PIK3C2G: variants seen among roughly 807,000 people sequenced by gnomAD.
PIK3C2G encodes phosphatidylinositol-4-phosphate 3-kinase catalytic subunit type 2 gamma.
In PIK3C2G, 168 loss-of-function variants were observed where a neutral mutation model predicts 181.1. The ratio of observed to expected loss-of-function variants is 0.93; its 90% CI spans 0.82 to 1.05. PIK3C2G has a LOEUF of 1.05. Among genes scored for constraint, PIK3C2G ranks in the 50% least tolerant of loss-of-function variants. The probability of loss-of-function intolerance (pLI) is 0.00; values close to 1 mark genes in which losing one functional copy is unlikely to be tolerated. For missense variants in PIK3C2G, 1,869 were observed against 1,732.8 expected (o/e 1.08, Z -1.40); for synonymous variants, 573 against 592.2 (o/e 0.97, Z 0.47).
chr12:18,672,041 C>A, the PIK3C2G span, among the ~76,000 whole-genome samples: 2 of 152,134 alleles, frequency 1.3e-5, no homozygotes, highest in African/African-American at 4.8e-5. Flanking sequence ...CCTACTAATA[C>A]CATTACTTTG....
chr12:18,488,430 T>G lies in PIK3C2G; in HGVS notation c.2505-19T>G, dbSNP rs1565440920. The stretch of plus-strand genomic sequence containing the variant: ...ATTAGCTTTACATACAAGAATTTTT[T>G]TCTCTCTCTTTCCTTCAGGCTGCTA... On this transcript the variant is annotated intron_variant, in intron 18 of 32. Transcript: ENST00000538779. 1 of 1,464,882 alleles carries G rather than the reference T, an allele frequency of 6.8e-7. No homozygotes were observed. Among genetic ancestry groups the G allele is most frequent in the East Asian group, 2.5e-5 (1 of 39,700 alleles). 90.7% of individuals were successfully genotyped at this position (1,464,882 alleles called of 1,614,324 possible). A position where few individuals can be genotyped will look rare whatever the true frequency, so the allele number is the denominator to read the frequency against.
intron 12 of PIK3C2G, among the ~76,000 whole-genome samples, chr12:18,364,583 G>C (rs1163841308): frequency 6.6e-6 from 1 of 152,026 alleles, no homozygotes; most frequent in African/African-American, 2.4e-5. Flanking sequence ...TAAATTTTGT[G>C]TAACAAGTGA....
At chr12:18,514,521 CT>C (rs1312646683) in intron 24 of PIK3C2G, among the ~76,000 whole-genome samples, 1 of 151,628 alleles carries the variant, frequency 6.6e-6, no homozygotes, top group Non-Finnish European at 1.5e-5. Context: ...AAGGAAGTGC[CT>C]TTTTGATGTC....
upstream of PIK3C2G, among the ~76,000 whole-genome samples, chr12:18,257,891 CAG>C (rs1197263629): frequency 6.6e-6 from 1 of 151,844 alleles, no homozygotes; most frequent in African/African-American, 2.4e-5. Flanking sequence ...AGAAAAGAAA[CAG>C]AAAGAGATAA....
At chr12:18,548,196 C>G (rs997245031) in intron 26 of PIK3C2G, among the ~76,000 whole-genome samples, 1 of 151,808 alleles carries the variant, frequency 6.6e-6, no homozygotes, top group African/African-American at 2.4e-5. Flanking sequence ...ATGGCAGACA[C>G]AATGATTGAC....
In PIK3C2G at chr12:18,546,322, G is replaced by A. The variant is rs1944421541; in HGVS notation, c.3481-1G>A. ...CTTTGCTTGTTCTTGTTGTGGTTAA[G>A]ATGCTGTATGCAGGACTGCCTGAGC... On this transcript the variant is annotated splice_acceptor_variant, in intron 25 of 32. Coordinates refer to ENST00000538779, the MANE Select transcript of PIK3C2G (RefSeq NM_001288772.2). LOFTEE classifies it high-confidence loss of function. The A allele has an allele frequency of 2.6e-6, 4 of 1,527,618 alleles. No homozygotes were observed. The highest frequency in any genetic ancestry group is 1.4e-5 in the African/African-American group (1 of 73,174). 94.6% of individuals were successfully genotyped at this position (1,527,618 alleles called of 1,614,324 possible).
chr12:18,714,214 C>A, the PIK3C2G span, among the ~76,000 whole-genome samples: 1 of 152,072 alleles, frequency 6.6e-6, no homozygotes, highest in Non-Finnish European at 1.5e-5. Context: ...TAAGATAATT[C>A]TTTAAATTAT....
chr12:18,548,687 T>A (rs1223034170), intron 26 of PIK3C2G, among the ~76,000 whole-genome samples: 1 of 152,034 alleles, frequency 6.6e-6, no homozygotes, highest in Non-Finnish European at 1.5e-5. Flanking sequence ...CACTTACCAA[T>A]GTTATGTGGT....
chr12:18,627,543 G>A (rs1949158021), intron 31 of PIK3C2G, among the ~76,000 whole-genome samples: 1 of 152,040 alleles, frequency 6.6e-6, no homozygotes, highest in African/African-American at 2.4e-5. Context: ...CCTGTGGATG[G>A]GTGCAGAATT....
chr12:18,626,422 G>T (rs1240818357), intron 31 of PIK3C2G, among the ~76,000 whole-genome samples: 1 of 151,732 alleles, frequency 6.6e-6, no homozygotes, highest in Non-Finnish European at 1.5e-5. Flanking sequence ...TTGTCTTTGT[G>T]CCTGGGATAA....
At chr12:18,676,581 T>C in the PIK3C2G span, among the ~76,000 whole-genome samples, 1 of 151,210 alleles carries the variant, frequency 6.6e-6, no homozygotes, top group Non-Finnish European at 1.5e-5. Flanking sequence ...GAAGGGAGTG[T>C]ATTTCTTACT....
At chr12:18,660,599 A>G in the PIK3C2G span, among the ~76,000 whole-genome samples, 1 of 152,340 alleles carries the variant, frequency 6.6e-6, no homozygotes, top group Non-Finnish European at 1.5e-5. Context: ...AGAAATGACC[A>G]GAAAAGACCT....
At chr12:18,562,107 C>A (rs1426697664) in intron 26 of PIK3C2G, among the ~76,000 whole-genome samples, 1 of 152,028 alleles carries the variant, frequency 6.6e-6, no homozygotes, top group Admixed American at 6.6e-5. Flanking sequence ...TTTAAAAATT[C>A]CCCCAAATAA....
chr12:18,363,346 A>G (rs1287785599), intron 12 of PIK3C2G, among the ~76,000 whole-genome samples: 3 of 152,140 alleles, frequency 2.0e-5, no homozygotes, highest in Admixed American at 2.0e-4. Flanking sequence ...ATAGATGTGT[A>G]AGCTTAATTT....
intron 3 of PIK3C2G, among the ~76,000 whole-genome samples, chr12:18,289,549 T>C (rs549050730): frequency 6.6e-6 from 1 of 152,324 alleles, no homozygotes; most frequent in African/African-American, 2.4e-5. Flanking sequence ...CATGTCCTTA[T>C]TCTGAGCAGT....
At chr12:18,681,033 T>G in the PIK3C2G span, among the ~76,000 whole-genome samples, 1 of 152,196 alleles carries the variant, frequency 6.6e-6, no homozygotes, top group South Asian at 2.1e-4. Flanking sequence ...TTGCCGTGCA[T>G]TCAGTCATGA....
chr12:18,281,839 T>C (rs1179713678), intron 1 of PIK3C2G, among the ~76,000 whole-genome samples, 165 bp from the exon 2 acceptor site: 3 of 152,070 alleles, frequency 2.0e-5, no homozygotes, highest in Non-Finnish European at 4.4e-5. Flanking sequence ...TTCAGACTTA[T>C]AATGTTGTAA....
At chr12:18,438,476 T>A (rs1186999408) in intron 18 of PIK3C2G, among the ~76,000 whole-genome samples, 1 of 151,926 alleles carries the variant, frequency 6.6e-6, no homozygotes, top group East Asian at 1.9e-4. Context: ...CAAGATTGTC[T>A]TATGGTACAC....
At chr12:18,506,662 A>G (rs183714712) in intron 24 of PIK3C2G, among the ~76,000 whole-genome samples, 8 of 152,334 alleles carry the variant, frequency 5.3e-5, no homozygotes, top group Non-Finnish European at 1.5e-5. Flanking sequence ...TACTGAAATA[A>G]GGAATACTGA....
Sources: gnomAD v4.1 joint callset for allele counts (sites outside exome capture counted in the v4.1 genomes callset) on GRCh38, gnomAD v4.1.1 for gene constraint, MANE v1.5 for transcripts, NCBI Gene and HGNC (gene_info 2026-07-23, HGNC 2026-07-21) for gene names.